UNC5D: variants seen among roughly 807,000 people sequenced by gnomAD.
The protein encoded by UNC5D is netrin receptor UNC5D.
UNC5D carries 39 observed loss-of-function variants against 105.4 expected under a neutral mutation model. The ratio of observed to expected loss-of-function variants is 0.37; its 90% CI spans 0.29 to 0.48. The LOEUF (loss-of-function observed/expected upper bound fraction) is 0.48. UNC5D is among the 20% of genes least tolerant of loss of function. UNC5D has a pLI of 0.98. For synonymous variants in UNC5D, 452 were observed against 450.4 expected (o/e 1.00, Z -0.04); for missense variants, 991 against 1,202.4 (o/e 0.82, Z 2.60).
intron 1 of UNC5D, among the ~76,000 whole-genome samples, chr8:35,527,615 T>C (rs1012665333): frequency 6.6e-6 from 1 of 152,172 alleles, no homozygotes; most frequent in South Asian, 2.1e-4. Context: ...TGATCTCGAC[T>C]CACTGCAACC....
intron 3 of UNC5D, among the ~76,000 whole-genome samples, chr8:35,590,131 C>T (rs1016571113): frequency 3.9e-5 from 6 of 152,078 alleles, no homozygotes; most frequent in Non-Finnish European, 8.8e-5. Flanking sequence ...TTTTGTTTCA[C>T]GTCCCTTCGC....
At chr8:35,648,354 C>A (rs747632247) in intron 4 of UNC5D, among the ~76,000 whole-genome samples, 1 of 152,028 alleles carries the variant, frequency 6.6e-6, no homozygotes, top group Non-Finnish European at 1.5e-5. Context: ...CCCACAATAT[C>A]CTCACAGGCC....
intron 3 of UNC5D, 72 bp downstream of exon 3, chr8:35,568,313 T>C: frequency 1.3e-6 from 2 of 1,547,506 alleles, no homozygotes; most frequent in Non-Finnish European, 8.8e-7. Flanking sequence ...AGAGAGGTTT[T>C]ACAGATGTCA....
chr8:35,584,578 T>TTTG (rs145205530), intron 3 of UNC5D, among the ~76,000 whole-genome samples: 12 of 151,766 alleles, frequency 7.9e-5, no homozygotes, highest in African/African-American at 9.7e-5. Flanking sequence ...CCAAGCCTAT[T>TTTG]TTGTTGTTGT....
chr8:35,457,601 T>C (rs955056833), intron 1 of UNC5D, among the ~76,000 whole-genome samples: 2 of 152,182 alleles, frequency 1.3e-5, no homozygotes, highest in African/African-American at 4.8e-5. Context: ...GGGTGCTACC[T>C]GGAGGCAGAA....
intron 1 of UNC5D, among the ~76,000 whole-genome samples, chr8:35,542,918 A>T (rs914620647): frequency 1.6e-4 from 24 of 152,230 alleles, no homozygotes; most frequent in African/African-American, 5.5e-4. Flanking sequence ...ATGATGCTGA[A>T]GGTTGTGGTC....
intron 9 of UNC5D, chr8:35,724,351 G>A (rs1828743907): frequency 6.6e-6 from 10 of 1,516,900 alleles, no homozygotes; most frequent in Admixed American, 2.0e-5. Context: ...ATATCATGTG[G>A]TTTTCACCTC....
At chr8:35,655,300 A>G (rs1823657908) in intron 4 of UNC5D, among the ~76,000 whole-genome samples, 1 of 152,184 alleles carries the variant, frequency 6.6e-6, no homozygotes, top group African/African-American at 2.4e-5. Flanking sequence ...TCTTATTGAG[A>G]TAAAAGTCTC....
At chr8:35,241,020 G>A (rs999714658) in intron 1 of UNC5D, among the ~76,000 whole-genome samples, 3 of 152,126 alleles carry the variant, frequency 2.0e-5, no homozygotes, top group East Asian at 3.9e-4. Flanking sequence ...GATCCCACGA[G>A]ACTATTTGTT....
intron 13 of UNC5D, among the ~76,000 whole-genome samples, chr8:35,757,871 A>G (rs1342938935): frequency 1.3e-5 from 2 of 152,190 alleles, no homozygotes; most frequent in African/African-American, 4.8e-5. Flanking sequence ...TGAAATCCAC[A>G]AGGTTATGAA....
intron 1 of UNC5D, chr8:35,254,829 A>T (rs1803961613): frequency 6.6e-6 from 1 of 152,098 alleles, no homozygotes; most frequent in Non-Finnish European, 1.5e-5. Flanking sequence ...CAATTTTTTC[A>T]TCTGTGTCTT....
chr8:35,297,758 T>C (rs1807603560), intron 1 of UNC5D, among the ~76,000 whole-genome samples: 1 of 150,628 alleles, frequency 6.6e-6, no homozygotes, highest in Non-Finnish European at 1.5e-5. Flanking sequence ...TCCCTAACAC[T>C]CAGATGTAAG....
At chr8:35,315,685 T>C (rs1809246707) in intron 1 of UNC5D, among the ~76,000 whole-genome samples, 1 of 152,196 alleles carries the variant, frequency 6.6e-6, no homozygotes, top group South Asian at 2.1e-4. Flanking sequence ...TTGTAGTTTA[T>C]TGCAACTTAA....
intron 15 of UNC5D, among the ~76,000 whole-genome samples, chr8:35,773,392 C>T (rs569615402): frequency 6.6e-5 from 10 of 152,090 alleles, no homozygotes; most frequent in Non-Finnish European, 1.5e-4. Flanking sequence ...TCTGTTATAC[C>T]AAAGCAATTT....
intron 4 of UNC5D, among the ~76,000 whole-genome samples, chr8:35,612,825 G>A (rs1295209402): frequency 7.1e-6 from 1 of 141,556 alleles, no homozygotes; most frequent in African/African-American, 2.7e-5. Flanking sequence ...TGGGACACAT[G>A]GATATCTGTC....
chr8:35,677,950 GTATA>G (rs371264695), intron 4 of UNC5D, among the ~76,000 whole-genome samples: 1 of 150,890 alleles, frequency 6.6e-6, no homozygotes, highest in Non-Finnish European at 1.5e-5. Context: ...GTGTGTATGT[GTATA>G]TATATATACG....
rs575996080 is a variant in UNC5D at position 35,296,885 on chromosome 8, A to G, written c.103+60998A>G. On this transcript the variant is annotated intron_variant, in intron 1 of 16. Coordinates refer to ENST00000404895, the MANE Select transcript of UNC5D (RefSeq NM_080872.4). ...ACTGTGATACCCATATTTTTATCCT[A>G]CATTCTAAGGGCAGTCAACAAATAA... is the stretch of plus-strand genomic sequence containing the variant. Among the ~76,000 whole-genome samples the G allele has an allele frequency of 3.9e-5, 6 of 152,334 alleles. No individual in the cohort carries two copies. In the South Asian group the frequency reaches 1.2e-3, roughly 32 times the overall value.
chr8:35,587,929 G>T, intron 3 of UNC5D, among the ~76,000 whole-genome samples: 1 of 134,758 alleles, frequency 7.4e-6, no homozygotes. Context: ...AAAATGTTTA[G>T]TAATTTCTTT....
intron 15 of UNC5D, among the ~76,000 whole-genome samples, chr8:35,770,353 T>C (rs762668588): frequency 5.3e-4 from 80 of 152,224 alleles, no homozygotes; most frequent in Non-Finnish European, 9.3e-4. Context: ...TTGAAGGCAT[T>C]TGATCCTTCA....
Sources: gnomAD v4.1 joint callset for allele counts (sites outside exome capture counted in the v4.1 genomes callset) on GRCh38, gnomAD v4.1.1 for gene constraint, MANE v1.5 for transcripts, NCBI Gene and HGNC (gene_info 2026-07-23, HGNC 2026-07-21) for gene names.